The following LINGO2 variants were observed in gnomAD, a reference collection of about 807,000 sequenced individuals.
LINGO2 encodes the protein leucine-rich repeat and immunoglobulin-like domain-containing nogo receptor-interacting protein 2.
LINGO2 carries 14 observed loss-of-function variants against 30.6 expected under a neutral mutation model. The observed-to-expected ratio is 0.46, with a 90% CI of 0.30 to 0.72. The LOEUF (loss-of-function observed/expected upper bound fraction) is 0.72, where lower values mean the gene tolerates loss of function less well. Ranked by LOEUF, LINGO2 falls within the 30% of genes least tolerant of loss-of-function variation. The pLI is 0.07. For missense variants in LINGO2, 729 were observed against 751.7 expected, an observed-to-expected ratio of 0.97 and a Z score of 0.35; for synonymous variants, 317 against 288.5, an observed-to-expected ratio of 1.10 and a Z score of -1.00.
the LINGO2 span, among the ~76,000 whole-genome samples, chr9:28,718,062 A>G: frequency 6.6e-6 from 1 of 152,032 alleles, no homozygotes; most frequent in East Asian, 1.9e-4. Context: ...CAATGTTATA[A>G]CAGAGATGGC....
chr9:28,551,847 C>T (rs1189199305), intron 1 of LINGO2, among the ~76,000 whole-genome samples: 1 of 152,058 alleles, frequency 6.6e-6, no homozygotes, highest in East Asian at 1.9e-4. Flanking sequence ...CTCAGCCTCT[C>T]ATCATTATGT....
At chr9:28,184,478 T>A (rs1819471516) in intron 4 of LINGO2, among the ~76,000 whole-genome samples, 1 of 151,868 alleles carries the variant, frequency 6.6e-6, no homozygotes, top group Non-Finnish European at 1.5e-5. Context: ...CTGAACTTCT[T>A]AAGGTTCGAC....
chr9:28,791,812 C>A, the LINGO2 span, among the ~76,000 whole-genome samples: 1 of 151,598 alleles, frequency 6.6e-6, no homozygotes, highest in East Asian at 1.9e-4. Context: ...CCTACAATGA[C>A]AAAAATAATA....
At chr9:29,045,188 G>A in the LINGO2 span, among the ~76,000 whole-genome samples, 1 of 152,054 alleles carries the variant, frequency 6.6e-6, no homozygotes, top group African/African-American at 2.4e-5. Context: ...AACATGGTAA[G>A]TGATTTCATC....
chr9:27,994,805 G>A (rs1372246280), intron 5 of LINGO2, among the ~76,000 whole-genome samples: 1 of 152,262 alleles, frequency 6.6e-6, no homozygotes, highest in African/African-American at 2.4e-5. Flanking sequence ...ACTTAAGGCA[G>A]GGCTGACATC....
At chr9:28,921,839 T>A in the LINGO2 span, among the ~76,000 whole-genome samples, 1 of 152,200 alleles carries the variant, frequency 6.6e-6, no homozygotes, top group African/African-American at 2.4e-5. Context: ...ATTGTAAACA[T>A]CGGCAGGAGA....
At chr9:28,478,172 T>C (rs1825799168) in intron 1 of LINGO2, among the ~76,000 whole-genome samples, 1 of 152,196 alleles carries the variant, frequency 6.6e-6, no homozygotes, top group African/African-American at 2.4e-5. Flanking sequence ...TGAAGTAAGC[T>C]TGTGCAATGA....
At chr9:29,013,311 T>A in the LINGO2 span, among the ~76,000 whole-genome samples, 1 of 152,150 alleles carries the variant, frequency 6.6e-6, no homozygotes, top group Non-Finnish European at 1.5e-5. Context: ...AAAATGCTTG[T>A]ACCTAACAAA....
chr9:28,054,292 C>T (rs1000846242), intron 4 of LINGO2, among the ~76,000 whole-genome samples: 5 of 152,130 alleles, frequency 3.3e-5, no homozygotes, highest in Non-Finnish European at 7.4e-5. Flanking sequence ...CCAGCAGGAG[C>T]TACAGCTGCA....
the LINGO2 span, among the ~76,000 whole-genome samples, chr9:28,860,470 G>A: frequency 6.6e-6 from 1 of 151,952 alleles, no homozygotes; most frequent in Non-Finnish European, 1.5e-5. Context: ...AATCTGCCCT[G>A]AGCCTCCAGA....
At chr9:28,875,625 T>C in the LINGO2 span, among the ~76,000 whole-genome samples, 1 of 152,068 alleles carries the variant, frequency 6.6e-6, no homozygotes, top group African/African-American at 2.4e-5. Context: ...TTTCCCCACG[T>C]CGAAATTTTA....
chr9:28,565,576 G>C (rs187044348), intron 1 of LINGO2, among the ~76,000 whole-genome samples: 39 of 143,936 alleles, frequency 2.7e-4, no homozygotes, highest in Admixed American at 7.0e-4. Context: ...TTTTGAGACG[G>C]AGTCTCGCTC....
chr9:28,816,109 T>C, the LINGO2 span, among the ~76,000 whole-genome samples: 1 of 152,258 alleles, frequency 6.6e-6, no homozygotes, highest in South Asian at 2.1e-4. Flanking sequence ...AATCCGCATC[T>C]ACCATAACTA....
chr9:28,379,776 A>T (rs1349947644), intron 2 of LINGO2, among the ~76,000 whole-genome samples: 1 of 152,120 alleles, frequency 6.6e-6, no homozygotes, highest in Non-Finnish European at 1.5e-5. Context: ...ATTTTATAAG[A>T]TCCACAAACA....
chr9:28,153,475 C>A (rs1035168775), intron 4 of LINGO2, among the ~76,000 whole-genome samples: 1 of 152,124 alleles, frequency 6.6e-6, no homozygotes, highest in African/African-American at 2.4e-5. Context: ...TATTGATGTT[C>A]AGTACACTTC....
chr9:28,374,132 C>T (rs914097669), intron 2 of LINGO2, among the ~76,000 whole-genome samples: 4 of 151,172 alleles, frequency 2.6e-5, no homozygotes, highest in African/African-American at 7.3e-5. Flanking sequence ...TTCGGCACCA[C>T]GACGTGAAGG....
At chr9:28,895,605 G>A in the LINGO2 span, among the ~76,000 whole-genome samples, 5 of 151,836 alleles carry the variant, frequency 3.3e-5, no homozygotes, top group African/African-American at 7.3e-5. Context: ...ATTTATAAGC[G>A]CATACATATT....
rs143237250 is a variant in LINGO2, at chr9:28,387,596, G to A, written c.-278-14728C>T. ...CTTTATGAGCTGTAACACTCACTAC[G>A]AAGGTCTGCATCTTCATTCCTGAAG... On this transcript the variant is annotated intron_variant, in intron 2 of 5. Transcript: ENST00000379992. 2.0e-3 allele frequency among the ~76,000 whole-genome samples: 299 copies of A among 152,254 alleles called. 4 individuals carry two copies. Among genetic ancestry groups the A allele is most frequent in the African/African-American group, 7.0e-3 (290 of 41,544 alleles).
the LINGO2 span, among the ~76,000 whole-genome samples, chr9:29,048,863 T>C: frequency 1.3e-5 from 2 of 152,112 alleles, no homozygotes; most frequent in South Asian, 2.1e-4. Flanking sequence ...ACAAAACTAC[T>C]ACAAGAAAAC....
Sources: gnomAD v4.1 joint callset for allele counts (sites outside exome capture counted in the v4.1 genomes callset) on GRCh38, gnomAD v4.1.1 for gene constraint, MANE v1.5 for transcripts, NCBI Gene and HGNC (gene_info 2026-07-23, HGNC 2026-07-21) for gene names.